Variants in NOX4 observed in about 807,000 individuals in gnomAD.
NOX4 encodes the protein kidney oxidase-1.
Under a neutral mutation model 87.6 loss-of-function variants are expected in NOX4, and 69 were observed. The ratio of observed to expected loss-of-function variants is 0.79; its 90% CI spans 0.65 to 0.96. The LOEUF (loss-of-function observed/expected upper bound fraction) is 0.96, where lower values mean the gene tolerates loss of function less well. Ranked by LOEUF, NOX4 falls within the 40% of genes least tolerant of loss-of-function variation. NOX4 has a pLI of 0.00. For missense variants in NOX4, 680 were observed against 681.5 expected (o/e 1.00, Z 0.02); for synonymous variants, 275 against 238.2 (o/e 1.15, Z -1.42).
the NOX4 span, among the ~76,000 whole-genome samples, chr11:89,544,533 G>T: frequency 1.3e-5 from 2 of 151,970 alleles, no homozygotes; most frequent in Non-Finnish European, 2.9e-5. Flanking sequence ...AGTGGTATAG[G>T]CAGCATTGTA....
intron 17 of NOX4, among the ~76,000 whole-genome samples, chr11:89,327,812 G>T (rs954682163): frequency 2.6e-5 from 4 of 151,978 alleles, no homozygotes; most frequent in Non-Finnish European, 5.9e-5. Flanking sequence ...GAAACTAAAA[G>T]CTGTGAAAAT....
chr11:89,367,276 TC>T (rs1347624610), intron 12 of NOX4, among the ~76,000 whole-genome samples: 3 of 152,134 alleles, frequency 2.0e-5, no homozygotes, highest in African/African-American at 4.8e-5. Flanking sequence ...TTGCCATTCA[TC>T]TTCTGCTGCT....
chr11:89,443,275 C>A (rs892848294), intron 5 of NOX4: 1 of 151,802 alleles, frequency 6.6e-6, no homozygotes, highest in African/African-American at 2.4e-5. Context: ...GGAGGTCAAA[C>A]ACATGAACAC....
At chr11:89,448,304 C>T (rs907356866) in intron 4 of NOX4, among the ~76,000 whole-genome samples, 2 of 152,248 alleles carry the variant, frequency 1.3e-5, no homozygotes, top group African/African-American at 2.4e-5. Flanking sequence ...ATAGAACCTA[C>T]GCATGGACTC....
the NOX4 span, among the ~76,000 whole-genome samples, chr11:89,534,483 A>G: frequency 6.6e-6 from 1 of 152,284 alleles, no homozygotes; most frequent in East Asian, 1.9e-4. Flanking sequence ...TGCTCACCAC[A>G]TATCATAACT....
chr11:89,421,260 T>C (rs1448551370), intron 8 of NOX4, among the ~76,000 whole-genome samples: 1 of 152,188 alleles, frequency 6.6e-6, no homozygotes, highest in Non-Finnish European at 1.5e-5. Flanking sequence ...CATATGCATG[T>C]ACAAAAATAC....
At chr11:89,460,083 G>A (rs888292216) in intron 2 of NOX4, among the ~76,000 whole-genome samples, 1 of 152,176 alleles carries the variant, frequency 6.6e-6, no homozygotes, top group African/African-American at 2.4e-5. Context: ...TTTAATAAAT[G>A]GTGTTGGGAA....
chr11:89,438,090 T>C (rs1489761250), intron 6 of NOX4, among the ~76,000 whole-genome samples: 1 of 151,092 alleles, frequency 6.6e-6, no homozygotes, highest in Non-Finnish European at 1.5e-5. Flanking sequence ...ATTAAGTGTC[T>C]TCTCTACTAA....
chr11:89,460,533 T>C (rs1279046081), intron 2 of NOX4, among the ~76,000 whole-genome samples: 1 of 152,188 alleles, frequency 6.6e-6, no homozygotes, highest in African/African-American at 2.4e-5. Context: ...AAGACATTTA[T>C]GCAGCCAAAA....
chr11:89,569,622 G>A, the NOX4 span, among the ~76,000 whole-genome samples: 1 of 152,154 alleles, frequency 6.6e-6, no homozygotes, highest in South Asian at 2.1e-4. Flanking sequence ...CAGCCCCTGA[G>A]GAAAGCAGTT....
At chr11:89,396,898 T>C (rs1565235881) in intron 11 of NOX4, among the ~76,000 whole-genome samples, 1 of 152,056 alleles carries the variant, frequency 6.6e-6, no homozygotes, top group Admixed American at 6.6e-5. Flanking sequence ...CTTTCAATAT[T>C]AGACAGATCA....
Position 89,326,631 on chromosome 11 carries a change from A to G in NOX4, c.*125T>C. On this transcript the variant is annotated 3_prime_UTR_variant, in exon 18 of 18. Transcript: ENST00000263317. ...CCACATTCTCACATTTCCATTTTAA[A>G]TAATCATAAATAAGAAAACCTTACT... is the stretch of plus-strand genomic sequence containing the variant. 4 of 740,350 alleles carry G rather than the reference A, an allele frequency of 5.4e-6. No homozygotes were observed. The highest frequency in any genetic ancestry group is 8.4e-6 in the Non-Finnish European group (4 of 478,292). 45.9% of individuals were successfully genotyped at this position (740,350 alleles called of 1,614,324 possible).
intron 7 of NOX4, among the ~76,000 whole-genome samples, chr11:89,426,458 A>T (rs1384373368): frequency 6.6e-6 from 1 of 151,932 alleles, no homozygotes; most frequent in African/African-American, 2.4e-5. Flanking sequence ...GGGGTCAAGG[A>T]ATTCCCTTGG....
At chr11:89,370,732 G>A (rs572304776) in intron 12 of NOX4, among the ~76,000 whole-genome samples, 1 of 152,110 alleles carries the variant, frequency 6.6e-6, no homozygotes, top group South Asian at 2.1e-4. Context: ...AACTTTAACA[G>A]GTCTTCCACG....
chr11:89,567,319 C>G, the NOX4 span, among the ~76,000 whole-genome samples: 1 of 152,160 alleles, frequency 6.6e-6, no homozygotes, highest in Non-Finnish European at 1.5e-5. Context: ...CACCTGCCAG[C>G]AGCCTCCTAC....
At chr11:89,332,515 G>T (rs1267757257) in intron 17 of NOX4, among the ~76,000 whole-genome samples, 2 of 151,660 alleles carry the variant, frequency 1.3e-5, no homozygotes, top group Non-Finnish European at 2.9e-5. Context: ...ATACTAAATG[G>T]TTTACAATGT....
At chr11:89,342,385 T>C (rs1485122957) in intron 13 of NOX4, among the ~76,000 whole-genome samples, 192 bp from the exon 14 acceptor site, 6 of 152,266 alleles carry the variant, frequency 3.9e-5, no homozygotes, top group Admixed American at 2.0e-4. Flanking sequence ...TTAAAATAAA[T>C]ACGTCTGTTT....
chr11:89,538,797 C>T, the NOX4 span, among the ~76,000 whole-genome samples: 4 of 151,906 alleles, frequency 2.6e-5, no homozygotes, highest in African/African-American at 9.7e-5. Flanking sequence ...ATCTCTGCTC[C>T]ATGATATATG....
chr11:89,507,898 G>A, the NOX4 span, among the ~76,000 whole-genome samples: 1 of 151,168 alleles, frequency 6.6e-6, no homozygotes, highest in African/African-American at 2.4e-5. Context: ...TTCATTTAAA[G>A]GTCAAAGCAT....
Sources: gnomAD v4.1 joint callset for allele counts (sites outside exome capture counted in the v4.1 genomes callset) on GRCh38, gnomAD v4.1.1 for gene constraint, MANE v1.5 for transcripts, NCBI Gene and HGNC (gene_info 2026-07-23, HGNC 2026-07-21) for gene names.